PRUNE2: variants seen among roughly 807,000 people sequenced by gnomAD.
PRUNE2 encodes the protein prune homolog 2 with BCH domain, also known as protein prune homolog 2.
PRUNE2 carries 164 observed loss-of-function variants against 252.0 expected under a neutral mutation model. The ratio of observed to expected loss-of-function variants is 0.65; its 90% CI spans 0.57 to 0.74. The LOEUF is 0.74. Ranked by LOEUF, PRUNE2 falls within the 30% of genes least tolerant of loss-of-function variation. The probability of loss-of-function intolerance (pLI) is 0.00; values close to 1 mark genes in which losing one functional copy is unlikely to be tolerated. For missense variants in PRUNE2, 3,495 were observed against 3,711.0 expected (o/e 0.94, Z 1.51); for synonymous variants, 1,292 against 1,350.2 (o/e 0.96, Z 0.94).
At chr9:76,852,819 T>A (rs1327644480) in intron 2 of PRUNE2, among the ~76,000 whole-genome samples, 1 of 38,668 alleles carries the variant, frequency 2.6e-5, no homozygotes, top group East Asian at 3.8e-4. Context: ...TATCTATCTA[T>A]CTATCTATCT....
At chr9:76,809,805 AAAAT>A (rs2057233919) in intron 6 of PRUNE2, among the ~76,000 whole-genome samples, 1 of 152,236 alleles carries the variant, frequency 6.6e-6, no homozygotes. Context: ...ATTTAAAAAT[AAAAT>A]AAATGTTTGA....
chr9:76,820,869 C>G (rs553489849), intron 6 of PRUNE2, among the ~76,000 whole-genome samples: 4 of 152,004 alleles, frequency 2.6e-5, no homozygotes, highest in African/African-American at 9.7e-5. Flanking sequence ...TATTTAAATC[C>G]AAAAGGAAAT....
chr9:76,899,200 G>C (rs545919957), intron 1 of PRUNE2, among the ~76,000 whole-genome samples: 1 of 152,182 alleles, frequency 6.6e-6, no homozygotes, highest in African/African-American at 2.4e-5. Flanking sequence ...AGAACCTACG[G>C]TTCCAATGGT....
intron 6 of PRUNE2, among the ~76,000 whole-genome samples, chr9:76,754,764 A>G (rs1193153592): frequency 6.6e-6 from 1 of 152,058 alleles, no homozygotes; most frequent in Non-Finnish European, 1.5e-5. Flanking sequence ...CAAGAGATGG[A>G]GACCATCCTG....
chr9:76,649,369 AAC>A (rs1846249648), intron 11 of PRUNE2, among the ~76,000 whole-genome samples: 2 of 152,138 alleles, frequency 1.3e-5, no homozygotes, highest in African/African-American at 4.8e-5. Flanking sequence ...CATCTATTAA[AAC>A]AGTACAGGTT....
At chr9:76,894,595 G>T (rs535824839) in intron 1 of PRUNE2, among the ~76,000 whole-genome samples, 5 of 152,202 alleles carry the variant, frequency 3.3e-5, no homozygotes, top group Admixed American at 2.6e-4. Flanking sequence ...TGTGTCTGAG[G>T]AATGTAAAGA....
chr9:76,831,941 C>G (rs2058695456), intron 4 of PRUNE2, among the ~76,000 whole-genome samples: 1 of 152,032 alleles, frequency 6.6e-6, no homozygotes, highest in Non-Finnish European at 1.5e-5. Context: ...ATGCGAACAC[C>G]AATCACAAGA....
intron 1 of PRUNE2, among the ~76,000 whole-genome samples, chr9:76,866,591 C>T (rs975586788): frequency 2.6e-5 from 4 of 152,056 alleles, no homozygotes; most frequent in Non-Finnish European, 4.4e-5. Flanking sequence ...TTTTGCAAAA[C>T]GCTGGCAATT....
intron 6 of PRUNE2, among the ~76,000 whole-genome samples, chr9:76,756,339 C>T (rs79251874): frequency 0.014 from 2,106 of 152,326 alleles, 24 homozygotes; most frequent in Non-Finnish European, 0.023. Context: ...GGATCACTTA[C>T]GGCACCCAGG....
chr9:76,671,668 A>C (rs2041506339), intron 9 of PRUNE2, among the ~76,000 whole-genome samples: 1 of 151,938 alleles, frequency 6.6e-6, no homozygotes, highest in Non-Finnish European at 1.5e-5. Context: ...TCGGGTTACC[A>C]TCAAAGGGAA....
At chr9:76,737,047 GCA>G (rs1564184265) in intron 6 of PRUNE2, 1 of 152,128 alleles carries the variant, frequency 6.6e-6, no homozygotes. Flanking sequence ...ATTTCTGTTC[GCA>G]CACAGTTCTG....
intron 16 of PRUNE2, among the ~76,000 whole-genome samples, chr9:76,626,195 C>T (rs1834681430): frequency 6.6e-6 from 1 of 152,212 alleles, no homozygotes; most frequent in South Asian, 2.1e-4. Context: ...TAAGTGTTTG[C>T]AGTGACTTTA....
At chr9:76,822,509 T>C (rs1431098490) in intron 6 of PRUNE2, among the ~76,000 whole-genome samples, 1 of 152,050 alleles carries the variant, frequency 6.6e-6, no homozygotes, top group South Asian at 2.1e-4. Context: ...AACATCACCA[T>C]GAGAAAAAGA....
chr9:76,703,429 T>C lies in PRUNE2; in HGVS notation c.8184A>G (p.Pro2728=). 6.2e-7 allele frequency: 1 copy of C among 1,613,886 alleles called. No individual in the cohort carries two copies. Among genetic ancestry groups the C allele is most frequent in the Non-Finnish European group, 8.5e-7 (1 of 1,179,798 alleles). ...GGATCATGTTTTTCTGAACAGGCTG[T>C]GGTGAAAGCATTTCCCATTCATTGT... ...THDNEWEMLS[P]QPVQKNMIPD... The change falls in exon 9 of 19, where the codon CCA becomes CCG. Residue 2728 remains proline (P), a synonymous_variant. Transcript: ENST00000376718.
At chr9:76,713,781 T>G in intron 6 of PRUNE2, 60 bp from the exon 7 acceptor site, 1 of 1,256,708 alleles carries the variant, frequency 8.0e-7, no homozygotes, top group Non-Finnish European at 1.1e-6. Context: ...GGGGAGTTGT[T>G]CCACAAATTT....
At chr9:76,749,706 G>A (rs2050443583) in intron 6 of PRUNE2, among the ~76,000 whole-genome samples, 1 of 152,132 alleles carries the variant, frequency 6.6e-6, no homozygotes, top group Non-Finnish European at 1.5e-5. Flanking sequence ...GCAGACCCCA[G>A]TTTGGTTTGT....
chr9:76,622,769 G>T (rs190646639), intron 17 of PRUNE2, among the ~76,000 whole-genome samples: 1 of 152,112 alleles, frequency 6.6e-6, no homozygotes, highest in South Asian at 2.1e-4. Flanking sequence ...AGACTAAGAA[G>T]ATTTTTTAGA....
chr9:76,833,878 GT>G (rs1253888996), intron 4 of PRUNE2, among the ~76,000 whole-genome samples: 1 of 131,278 alleles, frequency 7.6e-6, no homozygotes, highest in Non-Finnish European at 1.6e-5. Flanking sequence ...AAGATGCCGG[GT>G]TTTTTTGTTT....
At chr9:76,697,385 G>A (rs2045487902) in intron 9 of PRUNE2, among the ~76,000 whole-genome samples, 2 of 152,246 alleles carry the variant, frequency 1.3e-5, no homozygotes, top group South Asian at 4.1e-4. Context: ...AACATTGAGG[G>A]GCTTTGATGC....
Sources: gnomAD v4.1 joint callset for allele counts (sites outside exome capture counted in the v4.1 genomes callset) on GRCh38, gnomAD v4.1.1 for gene constraint, MANE v1.5 for transcripts, NCBI Gene and HGNC (gene_info 2026-07-23, HGNC 2026-07-21) for gene names.